Variants in AGBL4 observed in about 807,000 individuals in gnomAD.
AGBL4 encodes AGBL carboxypeptidase 4, also known as cytosolic carboxypeptidase 6.
In AGBL4, 58 loss-of-function variants were observed where a neutral mutation model predicts 66.4. The observed-to-expected ratio is 0.87, with a 90% CI of 0.71 to 1.09. AGBL4 has a LOEUF of 1.09. Ranked by LOEUF, AGBL4 falls within the 50% of genes least tolerant of loss-of-function variation. The probability of loss-of-function intolerance (pLI) is 0.00; values close to 1 mark genes in which losing one functional copy is unlikely to be tolerated. For synonymous variants in AGBL4, 234 were observed against 222.9 expected, an observed-to-expected ratio of 1.05 and a Z score of -0.44; for missense variants, 579 against 631.0, an observed-to-expected ratio of 0.92 and a Z score of 0.88.
chr1:48,917,496 A>C (rs1653689784), intron 5 of AGBL4, among the ~76,000 whole-genome samples: 1 of 152,184 alleles, frequency 6.6e-6, no homozygotes, highest in African/African-American at 2.4e-5. Flanking sequence ...ACTATCCCAG[A>C]TATTTTCACA....
intron 1 of AGBL4, among the ~76,000 whole-genome samples, chr1:49,967,883 G>T (rs1657702859): frequency 6.6e-6 from 1 of 151,944 alleles, no homozygotes. Context: ...GCTAGGTATA[G>T]ACTTTACAGG....
intron 3 of AGBL4, among the ~76,000 whole-genome samples, chr1:49,657,000 T>C (rs1646151653): frequency 6.6e-6 from 1 of 152,196 alleles, no homozygotes; most frequent in Non-Finnish European, 1.5e-5. Context: ...TTGGAAGTTC[T>C]GGCCAGAGCA....
chr1:49,274,200 C>G (rs1644119290), intron 3 of AGBL4, among the ~76,000 whole-genome samples: 1 of 152,072 alleles, frequency 6.6e-6, no homozygotes, highest in South Asian at 2.1e-4. Flanking sequence ...TGTTTTAAAT[C>G]TTTGATATTT....
intron 2 of AGBL4, among the ~76,000 whole-genome samples, chr1:49,812,499 T>C (rs1018082146): frequency 6.6e-6 from 1 of 152,206 alleles, no homozygotes; most frequent in African/African-American, 2.4e-5. Flanking sequence ...TCCATTTATC[T>C]ACATTCTTCC....
At position 49,771,617 on chromosome 1, in the gene AGBL4, T is replaced by C. The variant is rs1379789161; in HGVS notation, c.158-74180A>G. 3.9e-5 allele frequency among the ~76,000 whole-genome samples: 6 copies of C among 152,256 alleles called. No individual in the cohort carries two copies. The South Asian group carries it at 1.0e-3, about 26-fold the overall frequency. On this transcript the variant is annotated intron_variant, in intron 2 of 13. Transcript: ENST00000371839. ...ATTAAAGTACCTTACAATTATTGTATTGCAGACTATCTTTTCCTTTAGATC... is the reference window on the plus strand; with the variant it reads ...ATTAAAGTACCTTACAATTATTGTACTGCAGACTATCTTTTCCTTTAGATC...
At chr1:48,629,718 G>A (rs140896763) in intron 9 of AGBL4, among the ~76,000 whole-genome samples, 6 of 152,144 alleles carry the variant, frequency 3.9e-5, no homozygotes, top group Non-Finnish European at 1.5e-5. Flanking sequence ...ATGGGAATGG[G>A]AGTGGGTGAT....
At chr1:48,824,819 A>G (rs1405829827) in intron 6 of AGBL4, among the ~76,000 whole-genome samples, 4 of 152,174 alleles carry the variant, frequency 2.6e-5, no homozygotes, top group African/African-American at 9.7e-5. Context: ...CAAGCGAGGA[A>G]GCAGATGTGC....
At chr1:48,856,619 G>A (rs1250041181) in intron 6 of AGBL4, among the ~76,000 whole-genome samples, 2 of 152,248 alleles carry the variant, frequency 1.3e-5, no homozygotes, top group Non-Finnish European at 2.9e-5. Context: ...TCAAATCATA[G>A]GAGACTTTAA....
intron 5 of AGBL4, among the ~76,000 whole-genome samples, chr1:49,024,881 A>C (rs1663530168): frequency 6.6e-6 from 1 of 152,178 alleles, no homozygotes; most frequent in African/African-American, 2.4e-5. Flanking sequence ...GTGACTCTAG[A>C]GAGGTTATTT....
chr1:49,285,310 C>A (rs553076892), intron 3 of AGBL4, among the ~76,000 whole-genome samples: 2 of 152,184 alleles, frequency 1.3e-5, no homozygotes, highest in African/African-American at 4.8e-5. Flanking sequence ...TAAAGATGTT[C>A]TTTGAAACCA....
intron 7 of AGBL4, among the ~76,000 whole-genome samples, chr1:48,660,861 A>G (rs1646095928): frequency 6.6e-6 from 1 of 152,168 alleles, no homozygotes; most frequent in Non-Finnish European, 1.5e-5. Flanking sequence ...CAGGTATAAG[A>G]CTTCACCTTC....
chr1:48,569,266 C>T (rs1569828094), intron 11 of AGBL4, among the ~76,000 whole-genome samples: 1 of 152,334 alleles, frequency 6.6e-6, no homozygotes, highest in East Asian at 1.9e-4. Flanking sequence ...CTTCTTCATT[C>T]AACTGCACCT....
In AGBL4 at chr1:48,918,701, T is replaced by C. The variant is rs567179397; in HGVS notation, c.595-51471A>G. On this transcript the variant is annotated intron_variant, in intron 5 of 13. Coordinates refer to ENST00000371839, the MANE Select transcript of AGBL4 (RefSeq NM_032785.4). ...ATGCTGGCATTGTGATCTTGGACTT[T>C]CAGCCCCCAGAACTGTGAGAAATTG... Among the ~76,000 whole-genome samples the C allele has an allele frequency of 3.9e-5, 6 of 152,270 alleles. No homozygotes were observed. The East Asian group carries it at 9.7e-4, about 25-fold the overall frequency.
chr1:49,510,497 G>A lies in AGBL4; in HGVS notation c.282+186816C>T, dbSNP rs1310854044. On this transcript the variant is annotated intron_variant, in intron 3 of 13. Coordinates refer to ENST00000371839, the MANE Select transcript of AGBL4 (RefSeq NM_032785.4). Reference sequence around the variant, plus strand: ...TCTGGATATTAGCCCTTTGTCAGATGAGTAGGTTGCAAAAATTTTCTCCCA... The same window carrying A: ...TCTGGATATTAGCCCTTTGTCAGATAAGTAGGTTGCAAAAATTTTCTCCCA... Among the ~76,000 whole-genome samples, 5 of 150,572 alleles carry A rather than the reference G, an allele frequency of 3.3e-5. No homozygotes were observed. The South Asian group carries it at 6.4e-4, about 19-fold the overall frequency.
chr1:49,922,824 A>C (rs559224673), intron 1 of AGBL4, among the ~76,000 whole-genome samples: 3 of 152,326 alleles, frequency 2.0e-5, no homozygotes, highest in Admixed American at 1.3e-4. Context: ...TGACACACAC[A>C]AATGGAAAAG....
intron 6 of AGBL4, chr1:48,776,898 C>G: frequency 1.1e-6 from 1 of 950,252 alleles, no homozygotes; most frequent in South Asian, 1.8e-5. Context: ...AGGTGGGGAT[C>G]CGGCGGGGGG....
intron 3 of AGBL4, among the ~76,000 whole-genome samples, chr1:49,275,876 C>T (rs910016322): frequency 6.6e-6 from 1 of 151,990 alleles, no homozygotes; most frequent in African/African-American, 2.4e-5. Flanking sequence ...GGAAAATCAC[C>T]ACAATAACAT....
intron 1 of AGBL4, among the ~76,000 whole-genome samples, chr1:49,876,877 C>G (rs971874358): frequency 5.3e-5 from 8 of 149,992 alleles, no homozygotes; most frequent in African/African-American, 2.0e-4. Flanking sequence ...CCTTCACATC[C>G]CTTGTAAGTT....
At chr1:48,799,061 T>C (rs1367866497) in intron 6 of AGBL4, among the ~76,000 whole-genome samples, 1 of 152,176 alleles carries the variant, frequency 6.6e-6, no homozygotes, top group African/African-American at 2.4e-5. Flanking sequence ...AGAATGATGA[T>C]GGTATTTTGA....
Sources: gnomAD v4.1 joint callset for allele counts (sites outside exome capture counted in the v4.1 genomes callset) on GRCh38, gnomAD v4.1.1 for gene constraint, MANE v1.5 for transcripts, NCBI Gene and HGNC (gene_info 2026-07-23, HGNC 2026-07-21) for gene names.